The following MEI4 variants were observed in gnomAD, a reference collection of about 807,000 sequenced individuals.
The protein encoded by MEI4 is meiotic double-stranded break formation protein 4.
MEI4 carries 27 observed loss-of-function variants against 31.4 expected under a neutral mutation model. That is an observed-to-expected ratio of 0.86 (90% CI 0.63 to 1.19). The LOEUF is 1.19. Among genes scored for constraint, MEI4 ranks in the 50% most tolerant of loss-of-function variants. The pLI, the probability that MEI4 is intolerant of heterozygous loss-of-function variation, is 0.00. For missense variants in MEI4, 329 were observed against 398.9 expected, an observed-to-expected ratio of 0.82 and a Z score of 1.49; for synonymous variants, 122 against 145.4, an observed-to-expected ratio of 0.84 and a Z score of 1.16.
chr6:77,895,331 A>G (rs1188687847), intron 4 of MEI4, among the ~76,000 whole-genome samples: 1 of 152,152 alleles, frequency 6.6e-6, no homozygotes, highest in East Asian at 1.9e-4. Context: ...TTCAGAGATT[A>G]ACGACACCTC....
chr6:77,706,015 G>A (rs535974428), intron 2 of MEI4, among the ~76,000 whole-genome samples: 2 of 152,190 alleles, frequency 1.3e-5, no homozygotes, highest in South Asian at 4.2e-4. Flanking sequence ...TCGAACTGAG[G>A]AACACGAAGG....
At chr6:77,849,109 A>C (rs553601773) in intron 4 of MEI4, among the ~76,000 whole-genome samples, 32 of 152,330 alleles carry the variant, frequency 2.1e-4, no homozygotes, top group African/African-American at 7.5e-4. Context: ...AATAAAAATC[A>C]GGAAAGAGTT....
intron 4 of MEI4, among the ~76,000 whole-genome samples, chr6:77,876,951 A>G (rs1257905759): frequency 1.3e-5 from 2 of 152,132 alleles, no homozygotes; most frequent in Non-Finnish European, 2.9e-5. Context: ...ATGCAGAGTG[A>G]AATTTTAAAT....
chr6:77,653,008 C>A (rs536817306), upstream of MEI4, among the ~76,000 whole-genome samples: 1 of 152,340 alleles, frequency 6.6e-6, no homozygotes, highest in South Asian at 2.1e-4. Flanking sequence ...AGAGAGGTCT[C>A]TCTTGTTACC....
chr6:77,896,552 G>A (rs1766088586), intron 4 of MEI4, among the ~76,000 whole-genome samples: 1 of 152,004 alleles, frequency 6.6e-6, no homozygotes, highest in Admixed American at 6.6e-5. Context: ...TGTTACATTA[G>A]GGTGTTGGAG....
At chr6:77,671,643 T>G (rs1213069047) in intron 1 of MEI4, among the ~76,000 whole-genome samples, 1 of 152,162 alleles carries the variant, frequency 6.6e-6, no homozygotes, top group Non-Finnish European at 1.5e-5. Context: ...AGCCCCTCAT[T>G]ATCTTGATAT....
intron 4 of MEI4, among the ~76,000 whole-genome samples, chr6:77,864,100 C>T (rs2127722318): frequency 6.6e-6 from 1 of 152,266 alleles, no homozygotes; most frequent in East Asian, 1.9e-4. Context: ...TGGAAAGGAA[C>T]AATCGGTACC....
At chr6:77,779,051 C>T (rs181022847) in intron 3 of MEI4, among the ~76,000 whole-genome samples, 1 of 152,052 alleles carries the variant, frequency 6.6e-6, no homozygotes, top group African/African-American at 2.4e-5. Context: ...TAAATTTAGT[C>T]TTTGTCAGAA....
chr6:77,746,872 C>T (rs1767623930), intron 2 of MEI4, among the ~76,000 whole-genome samples: 1 of 152,044 alleles, frequency 6.6e-6, no homozygotes, highest in Non-Finnish European at 1.5e-5. Context: ...GTAGGGCAAA[C>T]ATAAATTGTG....
At chr6:77,768,953 T>A (rs1768241713) in intron 3 of MEI4, among the ~76,000 whole-genome samples, 1 of 152,042 alleles carries the variant, frequency 6.6e-6, no homozygotes, top group Non-Finnish European at 1.5e-5. Flanking sequence ...AATACAAGCC[T>A]CTAGGAATTG....
At chr6:77,906,916 A>G (rs1012792996) in intron 4 of MEI4, among the ~76,000 whole-genome samples, 11 of 152,152 alleles carry the variant, frequency 7.2e-5, no homozygotes, top group Admixed American at 7.2e-4. Context: ...TATGCTCAAG[A>G]GACCATGGCT....
rs1363547139 is a variant in MEI4, at chr6:77,726,234, G to A, written c.233-34896G>A. On this transcript the variant is annotated intron_variant, in intron 2 of 4. Coordinates refer to ENST00000684080, the MANE Select transcript of MEI4 (RefSeq NM_001322247.2). ...ACACAGCACACATTTCAGAGAGCAC[G>A]GGGTTGGGGGTAAGGTCACAGAATC... 6.7e-5 allele frequency among the ~76,000 whole-genome samples: 10 copies of A among 149,370 alleles called. 2 individuals are homozygous for A. The Admixed American group carries it at 6.7e-4, about 10-fold the overall frequency.
intron 2 of MEI4, among the ~76,000 whole-genome samples, chr6:77,693,681 C>T (rs1382306192): frequency 6.6e-6 from 1 of 151,784 alleles, no homozygotes; most frequent in African/African-American, 2.4e-5. Flanking sequence ...AATGGAGTAA[C>T]TGTTAAAGGG....
intron 2 of MEI4, among the ~76,000 whole-genome samples, chr6:77,702,469 C>G (rs1005256769): frequency 1.2e-4 from 18 of 152,218 alleles, no homozygotes; most frequent in Admixed American, 1.1e-3. Context: ...TACACATAAA[C>G]ATAAAAAGAT....
At chr6:77,788,842 A>C (rs1022467517) in intron 3 of MEI4, among the ~76,000 whole-genome samples, 2 of 152,234 alleles carry the variant, frequency 1.3e-5, no homozygotes, top group African/African-American at 4.8e-5. Context: ...AGTAATTTAC[A>C]GATTCAATGC....
At chr6:77,827,040 G>C (rs1314542840) in intron 3 of MEI4, among the ~76,000 whole-genome samples, 1 of 152,080 alleles carries the variant, frequency 6.6e-6, no homozygotes, top group Non-Finnish European at 1.5e-5. Context: ...GGCAACCAAG[G>C]TAGCTGCTAC....
At chr6:77,729,778 A>G (rs62418236) in intron 2 of MEI4, among the ~76,000 whole-genome samples, 20,969 of 152,234 alleles carry the variant, frequency 0.14, 1,527 homozygotes, top group Middle Eastern at 0.21. Context: ...CTGAATGTCT[A>G]TGCTTAGGAA....
chr6:77,771,880 C>G (rs944973823), intron 3 of MEI4, among the ~76,000 whole-genome samples: 1 of 151,900 alleles, frequency 6.6e-6, no homozygotes, highest in African/African-American at 2.4e-5. Context: ...TACACCAAAC[C>G]TCCATGACAT....
At chr6:77,690,406 C>T (rs1217862158) in intron 1 of MEI4, among the ~76,000 whole-genome samples, 32 of 151,916 alleles carry the variant, frequency 2.1e-4, no homozygotes. Flanking sequence ...TTTTTTCCAT[C>T]CCAAGAAGTT....
Sources: allele counts gnomAD v4.1 joint callset (sites outside exome capture counted in the v4.1 genomes callset), GRCh38; gene constraint gnomAD v4.1.1; transcripts MANE v1.5; gene names NCBI Gene and HGNC (gene_info 2026-07-23, HGNC 2026-07-21).